SEMA6D: variants seen among roughly 807,000 people sequenced by gnomAD.
SEMA6D encodes the protein semaphorin 6D.
Under a neutral mutation model 106.6 loss-of-function variants are expected in SEMA6D, and 35 were observed. The observed-to-expected ratio is 0.33, with a 90% CI of 0.25 to 0.44. The LOEUF (loss-of-function observed/expected upper bound fraction) is 0.44, where lower values mean the gene tolerates loss of function less well. Ranked by LOEUF, SEMA6D falls within the 20% of genes least tolerant of loss-of-function variation. The pLI, the probability that SEMA6D is intolerant of heterozygous loss-of-function variation, is 1.00. For missense variants in SEMA6D, 1,185 were observed against 1,345.9 expected (o/e 0.88, Z 1.87); for synonymous variants, 499 against 487.7 (o/e 1.02, Z -0.31).
rs1275814597 is a variant in SEMA6D, at chr15:47,764,055, C to T, written c.953C>T (p.Thr318Met). Reference sequence around the variant, plus strand: ...CCCACTGTGGTCGGGGTGTTTACCACGCAGCTCAATAGGTGAGAGCAGAAC... The same window carrying T: ...CCCACTGTGGTCGGGGTGTTTACCATGCAGCTCAATAGGTGAGAGCAGAAC... The part of the protein sequence containing the change: ...GIPTVVGVFT[T>M]QLNSIPGSAV... The change falls in exon 10 of 19, where the codon ACG becomes ATG. Residue 318 changes from threonine to methionine, a missense_variant. Transcript: ENST00000536845. 3 of 1,613,694 alleles carry T rather than the reference C, an allele frequency of 1.9e-6. No homozygotes were observed. The highest frequency in any genetic ancestry group is 1.3e-5 in the African/African-American group (1 of 74,870).
At chr15:47,210,397 A>G (rs1435427987) in intron 1 of SEMA6D, among the ~76,000 whole-genome samples, 1 of 152,114 alleles carries the variant, frequency 6.6e-6, no homozygotes, top group Non-Finnish European at 1.5e-5. Flanking sequence ...TAGGATAGGT[A>G]TACTTGGCCA....
Position 47,462,135 on chromosome 15 carries a change from T to C in SEMA6D, c.-158-8339T>C, listed in dbSNP as rs114116738. Among the ~76,000 whole-genome samples the C allele has an allele frequency of 6.5e-3, 991 of 152,254 alleles. 10 individuals carry two copies. The highest frequency in any genetic ancestry group is 0.023 in the African/African-American group (951 of 41,574). On this transcript the variant is annotated intron_variant, in intron 2 of 19. Coordinates refer to the SEMA6D transcript ENST00000558014. ...GTGTGATATACTCTTCCCATTTTTC[T>C]GACATCCTGTAGCAATTATTGGTAA...
chr15:47,471,538 T>C (rs1310766063), intron 3 of SEMA6D, among the ~76,000 whole-genome samples: 1 of 152,214 alleles, frequency 6.6e-6, no homozygotes, highest in Non-Finnish European at 1.5e-5. Flanking sequence ...TCGTAAAGAC[T>C]GCTGCTCTGG....
intron 1 of SEMA6D, among the ~76,000 whole-genome samples, chr15:47,753,607 G>A (rs1241961268): frequency 2.0e-5 from 3 of 152,210 alleles, no homozygotes; most frequent in Admixed American, 6.5e-5. Flanking sequence ...TAAGAGGTTA[G>A]CATCAGAGCA....
intron 3 of SEMA6D, among the ~76,000 whole-genome samples, chr15:47,528,689 AT>A (rs1055058733): frequency 6.6e-6 from 1 of 152,190 alleles, no homozygotes; most frequent in African/African-American, 2.4e-5. Flanking sequence ...TTGACATATT[AT>A]TTCCTCTCAT....
At chr15:47,253,515 G>T (rs1166795397) in intron 1 of SEMA6D, among the ~76,000 whole-genome samples, 2 of 152,104 alleles carry the variant, frequency 1.3e-5, no homozygotes, top group South Asian at 2.1e-4. Flanking sequence ...ATATGTAATT[G>T]ATTTTGAGTT....
rs4775704 is a variant in SEMA6D at position 47,703,178 on chromosome 15, A to G, written c.-54-56567A>G. 7.2e-5 allele frequency among the ~76,000 whole-genome samples: 11 copies of G among 152,350 alleles called. No homozygotes were observed. In the East Asian group the frequency reaches 1.9e-3, roughly 27 times the overall value. ...CCCTCCAAAAGAATTTCTATAATCT[A>G]TAGCAGGTGTACATGTTGTTAATCA... is the stretch of plus-strand genomic sequence containing the variant. On this transcript the variant is annotated intron_variant, in intron 4 of 19. Coordinates refer to the SEMA6D transcript ENST00000558014.
At chr15:47,283,021 T>G (rs917802467) in intron 1 of SEMA6D, among the ~76,000 whole-genome samples, 1 of 152,170 alleles carries the variant, frequency 6.6e-6, no homozygotes. Flanking sequence ...GATGTTGAGC[T>G]TAACAGGGGC....
At chr15:47,568,610 T>C (rs989107343) in intron 3 of SEMA6D, among the ~76,000 whole-genome samples, 5 of 152,168 alleles carry the variant, frequency 3.3e-5, no homozygotes, top group African/African-American at 1.2e-4. Context: ...TCAGGTAATA[T>C]GATAAAATGT....
At chr15:47,730,843 A>G in intron 1 of SEMA6D, 1 of 1,398,836 alleles carries the variant, frequency 7.1e-7, no homozygotes, top group Non-Finnish European at 1.0e-6. Context: ...CCTTTGCTCA[A>G]ACGGGATTCA....
chr15:47,578,697 A>G (rs1209839830), intron 3 of SEMA6D, among the ~76,000 whole-genome samples: 3 of 152,214 alleles, frequency 2.0e-5, no homozygotes, highest in African/African-American at 7.2e-5. Context: ...AAATTCCAAT[A>G]TATTCTACCT....
chr15:47,493,261 G>C (rs770147140), intron 3 of SEMA6D, among the ~76,000 whole-genome samples: 13 of 152,192 alleles, frequency 8.5e-5, no homozygotes, highest in Non-Finnish European at 1.6e-4. Flanking sequence ...TTCACATAGG[G>C]AAAACTGTGG....
At chr15:47,709,421 G>A (rs1439764716) in intron 4 of SEMA6D, among the ~76,000 whole-genome samples, 4 of 152,142 alleles carry the variant, frequency 2.6e-5, no homozygotes, top group Admixed American at 6.5e-5. Context: ...TCCCTGCCAC[G>A]ACTCTAAATG....
In SEMA6D at chr15:47,770,988, T is replaced by A. The variant is rs1359580988; in HGVS notation, c.2425T>A (p.Phe809Ile). ...GASRKETPQF[F>I]PSSPPPHSPL... ...TTCAAGGAAAGAAACCCCTCAGTTT[T>A]TTCCGTCTAGTCCGCCACCTCATTC... is the stretch of plus-strand genomic sequence containing the variant. The change falls in exon 19 of 19, where the codon TTT becomes ATT. Residue 809 changes from phenylalanine (F) to isoleucine (I), a missense_variant. By Grantham distance (21) the Phe-to-Ile change is conservative. Coordinates refer to ENST00000536845, the MANE Select transcript of SEMA6D (RefSeq NM_001358351.3). The A allele has an allele frequency of 6.2e-7, 1 of 1,614,106 alleles. No individual in the cohort carries two copies. Among genetic ancestry groups the A allele is most frequent in the East Asian group, 2.2e-5 (1 of 44,862 alleles).
intron 3 of SEMA6D, among the ~76,000 whole-genome samples, chr15:47,550,260 G>T (rs1319315515): frequency 6.6e-6 from 1 of 151,978 alleles, no homozygotes; most frequent in Non-Finnish European, 1.5e-5. Context: ...ATCTTCTCTG[G>T]GTCCATTTTT....
chr15:47,365,890 G>GGAGAGAGAGAGAGAGAGAGA (rs201368884), intron 1 of SEMA6D, among the ~76,000 whole-genome samples: 27 of 119,734 alleles, frequency 2.3e-4, no homozygotes, highest in African/African-American at 5.1e-4. Context: ...GAGAGAGAGA[G>GGAGAGAGAGAGAGAGAGAGA]GAGAGAGAGA....
chr15:47,356,257 A>G (rs2038560136), intron 1 of SEMA6D, among the ~76,000 whole-genome samples: 1 of 152,242 alleles, frequency 6.6e-6, no homozygotes, highest in South Asian at 2.1e-4. Context: ...GGAACAACAA[A>G]TGGTAATAAC....
intron 2 of SEMA6D, among the ~76,000 whole-genome samples, chr15:47,454,032 T>A (rs777384826): frequency 6.6e-6 from 1 of 151,884 alleles, no homozygotes; most frequent in Non-Finnish European, 1.5e-5. Context: ...GCTATCCAGC[T>A]AGTGTTGTGA....
intron 3 of SEMA6D, chr15:47,581,252 C>A: frequency 2.4e-6 from 1 of 411,844 alleles, no homozygotes; most frequent in Non-Finnish European, 4.8e-6. Context: ...ATGTTGGGCC[C>A]CCAACCCTAT....
Sources: allele counts gnomAD v4.1 joint callset (sites outside exome capture counted in the v4.1 genomes callset), GRCh38; gene constraint gnomAD v4.1.1; transcripts MANE v1.5; gene names NCBI Gene and HGNC (gene_info 2026-07-23, HGNC 2026-07-21).